CFAP92: variants seen among roughly 807,000 people sequenced by gnomAD.
CFAP92 encodes uncharacterized protein CFAP92.
A neutral mutation model predicts 106.3 loss-of-function variants in CFAP92; 86 were observed. That is an observed-to-expected ratio of 0.81 (90% CI 0.68 to 0.97). CFAP92 has a LOEUF of 0.97. CFAP92 is among the 50% of genes least tolerant of loss of function. The probability of loss-of-function intolerance (pLI) is 0.00; values close to 1 mark genes in which losing one functional copy is unlikely to be tolerated. For missense variants in CFAP92, 1,204 were observed against 1,283.8 expected, an observed-to-expected ratio of 0.94 and a Z score of 0.95; for synonymous variants, 477 against 506.4, an observed-to-expected ratio of 0.94 and a Z score of 0.78.
At chr3:128,955,029 G>C (rs1941238035) in intron 9 of CFAP92, among the ~76,000 whole-genome samples, 1 of 18,742 alleles carries the variant, frequency 5.3e-5, no homozygotes, top group Admixed American at 4.2e-4. Flanking sequence ...CCTCTGCCCG[G>C]CCACCCCTAC....
chr3:128,931,441 A>G (rs1208351375), intron 12 of CFAP92, among the ~76,000 whole-genome samples: 3 of 145,034 alleles, frequency 2.1e-5, no homozygotes, highest in Non-Finnish European at 4.4e-5. Context: ...GGTATGAGAT[A>G]TATATATGTG....
At position 128,953,594 on chromosome 3, in the gene CFAP92, T is replaced by TCCCTCTCCCTCC. The variant is rs1559891526; in HGVS notation, c.1354-7620_1354-7619insGGAGGGAGAGGG. Among the ~76,000 whole-genome samples, 98 of 103,406 alleles carry TCCCTCTCCCTCC rather than the reference T, an allele frequency of 9.5e-4. 1 individual carries two copies. Among genetic ancestry groups the TCCCTCTCCCTCC allele is most frequent in the Middle Eastern group, 4.2e-3 (1 of 238 alleles). 67.8% of individuals were successfully genotyped at this position (103,406 alleles called of 152,430 possible). A position where few individuals can be genotyped will look rare whatever the true frequency, so the allele number is the denominator to read the frequency against. On this transcript the variant is annotated intron_variant, in intron 9 of 15. Coordinates refer to ENST00000645291, the MANE Select transcript of CFAP92 (RefSeq NM_001394090.1). ...CTCCCTCTCCCTCTCCCTCTCCCTC[T>TCCCTCTCCCTCC]CCCTCCCCCTCTCCCTCTCCCTCTC...
intron 15 of CFAP92, chr3:128,913,172 GGA>G: frequency 2.5e-6 from 1 of 406,318 alleles, no homozygotes; most frequent in Non-Finnish European, 5.0e-6. Flanking sequence ...GGTGACAGCA[GGA>G]CCCTGAGAAC....
At chr3:129,022,017 G>T in the CFAP92 span, among the ~76,000 whole-genome samples, 1 of 152,210 alleles carries the variant, frequency 6.6e-6, no homozygotes, top group African/African-American at 2.4e-5. Flanking sequence ...GGCAGAGGTG[G>T]CCGGGGCAGG....
chr3:128,913,423 AG>A (rs1285382982), intron 15 of CFAP92, among the ~76,000 whole-genome samples: 2 of 152,194 alleles, frequency 1.3e-5, no homozygotes, highest in African/African-American at 4.8e-5. Flanking sequence ...TGGTATCTCC[AG>A]GCCAGCAGGC....
intron 10 of CFAP92, among the ~76,000 whole-genome samples, chr3:128,939,025 GT>G (rs1174554251): frequency 6.6e-6 from 1 of 152,196 alleles, no homozygotes; most frequent in Non-Finnish European, 1.5e-5. Flanking sequence ...AGATATAGCA[GT>G]GGTTGCCAGG....
At chr3:129,016,156 G>A in the CFAP92 span, among the ~76,000 whole-genome samples, 1,656 of 152,310 alleles carry the variant, frequency 0.011, 11 homozygotes, top group Admixed American at 0.019. Context: ...TGCCTTGACC[G>A]CTCCCTTGGT....
intron 15 of CFAP92, among the ~76,000 whole-genome samples, chr3:128,914,242 C>T (rs1049137903): frequency 6.6e-6 from 1 of 152,212 alleles, no homozygotes; most frequent in Non-Finnish European, 1.5e-5. Flanking sequence ...GGCTAGACAG[C>T]TCTCCTAGCT....
chr3:128,921,825 C>A (rs1362332557), intron 12 of CFAP92, among the ~76,000 whole-genome samples: 1 of 152,140 alleles, frequency 6.6e-6, no homozygotes, highest in East Asian at 1.9e-4. Context: ...AGTGCCCTTA[C>A]AAACATACAA....
At position 128,931,895 on chromosome 3, in the gene CFAP92, G is replaced by A. The variant is rs560024729; in HGVS notation, c.2751+805C>T. On this transcript the variant is annotated intron_variant, in intron 12 of 15. Coordinates refer to ENST00000645291, the MANE Select transcript of CFAP92 (RefSeq NM_001394090.1). ...AAAAAAATTAACCAGGTGTGGTGGC[G>A]CATGCCTGCCTACTCAGGAGGCCGA... Among the ~76,000 whole-genome samples, 27 of 152,148 alleles carry A rather than the reference G, an allele frequency of 1.8e-4. No homozygotes were observed. In the East Asian group the frequency reaches 2.9e-3, roughly 16 times the overall value.
chr3:128,962,162 C>T lies in CFAP92; in HGVS notation c.1353+3349G>A, dbSNP rs565792961. On this transcript the variant is annotated intron_variant, in intron 9 of 15. Transcript: ENST00000645291. ...TCTGACTGACTCCTTCTCGGCTTAG[C>T]GGCTGAAGACTGATGCTGCCCGATC... is the stretch of plus-strand genomic sequence containing the variant. Among the ~76,000 whole-genome samples, 10 of 152,324 alleles carry T rather than the reference C, an allele frequency of 6.6e-5. 1 individual carries two copies. In the Middle Eastern group the frequency reaches 0.017, roughly 259 times the overall value.
chr3:129,013,356 C>T, the CFAP92 span, among the ~76,000 whole-genome samples: 1 of 151,960 alleles, frequency 6.6e-6, no homozygotes, highest in African/African-American at 2.4e-5. Context: ...TGCCTTAGGC[C>T]AAAAGAAAAG....
chr3:128,974,627 C>G (rs894841400), intron 7 of CFAP92, among the ~76,000 whole-genome samples: 4 of 151,670 alleles, frequency 2.6e-5, no homozygotes, highest in African/African-American at 9.7e-5. Context: ...TCAAGACCAG[C>G]CTGACCAACA....
chr3:128,989,844 AGCAT>A (rs149838972), intron 2 of CFAP92, among the ~76,000 whole-genome samples: 3,248 of 152,314 alleles, frequency 0.021, 58 homozygotes, highest in Middle Eastern at 0.037. Context: ...AGTCTCTGGT[AGCAT>A]TAGACCTTTT....
chr3:128,975,123 A>AAAAAT (rs146013051), intron 7 of CFAP92, among the ~76,000 whole-genome samples: 44 of 152,182 alleles, frequency 2.9e-4, no homozygotes, highest in African/African-American at 4.6e-4. Flanking sequence ...CCATCTCAAA[A>AAAAAT]AAAATAAAAT....
At chr3:129,026,117 A>C in the CFAP92 span, among the ~76,000 whole-genome samples, 13 of 152,228 alleles carry the variant, frequency 8.5e-5, no homozygotes, top group African/African-American at 3.1e-4. Flanking sequence ...AAGATGTTTG[A>C]AATATTGAGA....
At chr3:128,910,691 G>A (rs1182633248) in intron 15 of CFAP92, 5 of 1,605,284 alleles carry the variant, frequency 3.1e-6, no homozygotes, top group Non-Finnish European at 3.4e-6. Context: ...AAGCTCAGAG[G>A]TCTGATTCCA....
the CFAP92 span, among the ~76,000 whole-genome samples, chr3:129,014,926 C>G: frequency 3.7e-4 from 56 of 152,206 alleles, no homozygotes; most frequent in African/African-American, 1.3e-3. This position sits in a 1 kb window ranked among gnomAD's most constrained non-coding sequence, Gnocchi z 4.3. Context: ...TAAGTCTCAG[C>G]TCCAAGTGGC....
Position 128,945,902 on chromosome 3 carries a change from T to G in CFAP92, c.1427A>C (p.His476Pro), listed in dbSNP as rs570226426. The part of the protein sequence containing the change: ...TPVHKTKGEP[H>P]GTHVYFQDIN... Reference sequence around the variant, plus strand: ...GTCCTGGAAATAAACGTGGGTTCCATGGGGCTCCCCCTTGGTCTTGTGAAC... The same window carrying G: ...GTCCTGGAAATAAACGTGGGTTCCAGGGGGCTCCCCCTTGGTCTTGTGAAC... Residue 476 changes from histidine to proline, a missense_variant, in exon 10 of 16, where the codon CAT (histidine) becomes CCT (proline). His to Pro is a moderately conservative substitution (Grantham distance 77). Coordinates refer to ENST00000645291, the MANE Select transcript of CFAP92 (RefSeq NM_001394090.1). The G allele has an allele frequency of 2.0e-6, 3 of 1,464,540 alleles. No homozygotes were observed. The East Asian group carries it at 7.4e-5, about 36-fold the overall frequency. The allele number at this position is 1,464,540 out of a possible 1,614,324, so 90.7% of individuals were successfully genotyped here. A position where few individuals can be genotyped will look rare whatever the true frequency, so the allele number is the denominator to read the frequency against.
Sources: gnomAD v4.1 joint callset for allele counts (sites outside exome capture counted in the v4.1 genomes callset) on GRCh38, gnomAD v4.1.1 for gene constraint, Gnocchi (gnomAD v3.1) non-coding constraint, MANE v1.5 for transcripts, NCBI Gene and HGNC (gene_info 2026-07-23, HGNC 2026-07-21) for gene names.